The following PRR27 variants were observed in gnomAD, a reference collection of about 807,000 sequenced individuals.
PRR27 encodes proline-rich protein 27.
PRR27 carries 12 observed loss-of-function variants against 16.8 expected under a neutral mutation model. The ratio of observed to expected loss-of-function variants is 0.71; its 90% CI spans 0.46 to 1.16. The LOEUF (loss-of-function observed/expected upper bound fraction) is 1.16. Ranked by LOEUF, PRR27 falls within the 50% of genes most tolerant of loss-of-function variation. The pLI is 0.00. For synonymous variants in PRR27, 100 were observed against 98.4 expected, an observed-to-expected ratio of 1.02 and a Z score of -0.10; for missense variants, 277 against 273.3, an observed-to-expected ratio of 1.01 and a Z score of -0.10.
rs5859213 is a variant in PRR27, at chr4:70,161,207, C to CATATATAT, written c.649-359_649-352dup. Among the ~76,000 whole-genome samples the CATATATAT allele has an allele frequency of 2.7e-4, 32 of 119,574 alleles. 1 individual carries two copies. Among genetic ancestry groups the CATATATAT allele is most frequent in the African/African-American group, 3.6e-4 (11 of 30,886 alleles). The allele number at this position is 119,574 out of a possible 152,430, so 78.4% of individuals were successfully genotyped here. ...ACACATACATATATATACACGTATA[C>CATATATAT]ATATATATATATATATATATATATA... On this transcript the variant is annotated intron_variant, in intron 3 of 4. Transcript: ENST00000344526.
chr4:70,156,763 T>A (rs1412783893), intron 2 of PRR27, among the ~76,000 whole-genome samples: 1 of 152,138 alleles, frequency 6.6e-6, no homozygotes, highest in African/African-American at 2.4e-5. Flanking sequence ...AGAGACATAA[T>A]CTGTGATGTG....
At position 70,163,813 on chromosome 4, in the gene PRR27, G is replaced by T. The variant is rs1384636378; in HGVS notation, c.*1152G>T. ...TCTCCAAGGACACAAGACTTACCTT[G>T]TCTAACTAATGACTTTTCTAACTTC... On this transcript the variant is annotated 3_prime_UTR_variant, in exon 5 of 5. Coordinates refer to ENST00000344526, the MANE Select transcript of PRR27 (RefSeq NM_214711.4). The T allele has an allele frequency of 1.3e-5, 2 of 151,602 alleles. No homozygotes were observed. The highest frequency in any genetic ancestry group is 4.8e-5 in the African/African-American group (2 of 41,272). 9.4% of individuals were successfully genotyped at this position (151,602 alleles called of 1,614,324 possible).
intron 1 of PRR27, 60 bp from the exon 2 acceptor site, chr4:70,155,994 T>C (rs948457561): frequency 1.9e-6 from 2 of 1,058,456 alleles, no homozygotes; most frequent in Non-Finnish European, 2.8e-6. Context: ...AATATGGAAA[T>C]GTAGGTGCAG....
chr4:70,160,661 G>C (rs951182083), intron 3 of PRR27, among the ~76,000 whole-genome samples: 1 of 151,826 alleles, frequency 6.6e-6, no homozygotes, highest in Non-Finnish European at 1.5e-5. Context: ...TTGAGCAAGA[G>C]AGTAAATGCA....
chr4:70,158,841 G>A lies in PRR27; in HGVS notation c.589G>A (p.Glu197Lys), dbSNP rs1164569657. 3 of 1,613,990 alleles carry A rather than the reference G, an allele frequency of 1.9e-6. No individual in the cohort carries two copies. Among genetic ancestry groups the A allele is most frequent in the East Asian group, 2.2e-5 (1 of 44,862 alleles). Residue 197 changes from glutamate to lysine, a missense_variant, in exon 3 of 5, where the codon GAG becomes AAG. Glu to Lys is a moderately conservative substitution (Grantham distance 56). Transcript: ENST00000344526. ...AGCTGCAGAGGAACCTTCACCAGCT[G>A]AGCCTGCTACAGCCAAGCCTGCTGC... ...EPAAEEPSPA[E>K]PATAKPAAPE...
At chr4:70,160,120 T>C (rs1728606361) in intron 3 of PRR27, among the ~76,000 whole-genome samples, 1 of 152,108 alleles carries the variant, frequency 6.6e-6, no homozygotes. Flanking sequence ...GATGCTGAGG[T>C]TTAGAGAATG....
Position 70,161,579 on chromosome 4 carries a change from T to A in PRR27, c.649-7T>A, listed in dbSNP as rs762463971. 1.3e-6 allele frequency: 2 copies of A among 1,515,828 alleles called. No individual in the cohort carries two copies. The highest frequency in any genetic ancestry group is 2.3e-5 in the South Asian group (2 of 85,888). The allele number at this position is 1,515,828 out of a possible 1,614,324, so 93.9% of individuals were successfully genotyped here. ...TATGAAAAGATCTTTTTTTTAATGT[T>A]TTCTAGGCAAATCAGTGAAATTCTC... is the stretch of plus-strand genomic sequence containing the variant. On this transcript the variant is annotated splice_region_variant and splice_polypyrimidine_tract_variant and intron_variant, in intron 3 of 4. Transcript: ENST00000344526.
intron 1 of PRR27, 114 bp downstream of exon 1, chr4:70,154,540 A>C (rs1728433092): frequency 2.2e-6 from 2 of 907,302 alleles, no homozygotes; most frequent in Non-Finnish European, 3.6e-6. Context: ...CAGCAGAGAG[A>C]CATAGATGGA....
intron 2 of PRR27, among the ~76,000 whole-genome samples, chr4:70,157,154 A>AT: frequency 6.6e-6 from 1 of 152,230 alleles, no homozygotes; most frequent in East Asian, 1.9e-4. Context: ...CGTGAGAAAA[A>AT]TTTAACTCAG....
In PRR27 at chr4:70,162,677, G is replaced by A. The variant is rs925699853; in HGVS notation, c.*34-18G>A. ...GGTCATTTTATTATACTGAACCAAT[G>A]TTATTTTCTTCTTTCAGATACTGAT... On this transcript the variant is annotated intron_variant, in intron 4 of 4. Coordinates refer to ENST00000344526, the MANE Select transcript of PRR27 (RefSeq NM_214711.4). The A allele has an allele frequency of 6.6e-6, 1 of 152,110 alleles. No individual in the cohort carries two copies. The highest frequency in any genetic ancestry group is 2.4e-5 in the African/African-American group (1 of 41,444). The allele number at this position is 152,110 out of a possible 1,614,324, so 9.4% of individuals were successfully genotyped here.
chr4:70,159,247 G>C (rs1409150576), intron 3 of PRR27, among the ~76,000 whole-genome samples: 2 of 152,072 alleles, frequency 1.3e-5, no homozygotes, highest in Admixed American at 1.3e-4. Context: ...TTACGTAAGT[G>C]GAATAATATT....
intron 1 of PRR27, among the ~76,000 whole-genome samples, 167 bp downstream of exon 1, chr4:70,154,593 A>T (rs903402837): frequency 1.3e-5 from 2 of 152,216 alleles, no homozygotes; most frequent in Non-Finnish European, 2.9e-5. Context: ...AAAATTTAAA[A>T]ATCAAAATAA....
intron 2 of PRR27, among the ~76,000 whole-genome samples, chr4:70,157,180 A>C (rs892616529): frequency 6.6e-6 from 1 of 152,106 alleles, no homozygotes; most frequent in African/African-American, 2.4e-5. Context: ...CAGGAAACTT[A>C]CCTAAAATTG....
intron 1 of PRR27, chr4:70,154,638 AG>A (rs1475307251): frequency 1.2e-6 from 1 of 866,420 alleles, no homozygotes; most frequent in Admixed American, 2.3e-5. Flanking sequence ...ATAAACAGCA[AG>A]GAAAGGAGGT....
At chr4:70,157,375 T>C (rs1289005320) in intron 2 of PRR27, among the ~76,000 whole-genome samples, 1 of 151,336 alleles carries the variant, frequency 6.6e-6, no homozygotes, top group Non-Finnish European at 1.5e-5. Context: ...AGAAAAACCT[T>C]AAAATATCTC....
At chr4:70,155,544 A>T (rs1475237730) in intron 1 of PRR27, among the ~76,000 whole-genome samples, 1 of 151,912 alleles carries the variant, frequency 6.6e-6, no homozygotes, top group Admixed American at 6.6e-5. Context: ...AATTTTTTGT[A>T]TCTTTAGTAG....
At chr4:70,160,181 C>T (rs1288458087) in intron 3 of PRR27, among the ~76,000 whole-genome samples, 1 of 152,114 alleles carries the variant, frequency 6.6e-6, no homozygotes, top group African/African-American at 2.4e-5. Context: ...AGTTTTATAA[C>T]CCAGCCCTAA....
chr4:70,161,917 A>G (rs893226521), intron 4 of PRR27, among the ~76,000 whole-genome samples: 3 of 152,204 alleles, frequency 2.0e-5, no homozygotes, highest in African/African-American at 7.2e-5. Context: ...ATAGGTAAAA[A>G]CCTTTAACGT....
intron 2 of PRR27, among the ~76,000 whole-genome samples, chr4:70,157,474 A>G (rs2109790846): frequency 6.6e-6 from 1 of 150,678 alleles, no homozygotes; most frequent in Admixed American, 6.6e-5. Context: ...ATACAATAAC[A>G]TTAACATCTA....
Sources: gnomAD v4.1 joint callset for allele counts (sites outside exome capture counted in the v4.1 genomes callset) on GRCh38, gnomAD v4.1.1 for gene constraint, MANE v1.5 for transcripts, NCBI Gene and HGNC (gene_info 2026-07-23, HGNC 2026-07-21) for gene names.